The following GRM5 variants were observed in gnomAD, a reference collection of about 807,000 sequenced individuals.
GRM5 encodes glutamate metabotropic receptor 5.
GRM5 carries 19 observed loss-of-function variants against 83.1 expected under a neutral mutation model. The observed-to-expected ratio is 0.23, with a 90% CI of 0.16 to 0.34. The LOEUF (loss-of-function observed/expected upper bound fraction) is 0.34. GRM5 is among the 10% of genes least tolerant of loss of function. GRM5 has a pLI of 1.00. For missense variants in GRM5, 1,160 were observed against 1,588.3 expected (o/e 0.73, Z 4.58); for synonymous variants, 675 against 633.6 (o/e 1.07, Z -0.98).
intron 3 of GRM5, among the ~76,000 whole-genome samples, chr11:88,663,572 G>T (rs72639198): frequency 0.021 from 3,156 of 152,214 alleles, 88 homozygotes; most frequent in East Asian, 0.12. Context: ...ATATAACCTT[G>T]TCTGTTTTTT....
At chr11:89,019,399 G>C (rs4370938) in intron 2 of GRM5, among the ~76,000 whole-genome samples, 64,617 of 151,794 alleles carry the variant, frequency 0.43, 15,295 homozygotes, top group South Asian at 0.6. Context: ...GTCATATCAA[G>C]AACAAACCCT....
intron 2 of GRM5, among the ~76,000 whole-genome samples, chr11:89,013,950 T>C (rs1372569559): frequency 1.3e-5 from 2 of 152,184 alleles, no homozygotes; most frequent in Non-Finnish European, 2.9e-5. Context: ...CAAAGTACAT[T>C]ACGTTTGAAA....
intron 4 of GRM5, among the ~76,000 whole-genome samples, chr11:88,608,047 C>T (rs1034604648): frequency 6.6e-6 from 1 of 152,186 alleles, no homozygotes; most frequent in African/African-American, 2.4e-5. Flanking sequence ...AGGCTGCTTT[C>T]CAGGGTCCCT....
rs374707787 is a variant in GRM5 at position 88,509,261 on chromosome 11, G to A, written c.2970C>T (p.Pro990=). 2.0e-6 allele frequency: 3 copies of A among 1,472,490 alleles called. No homozygotes were observed. The highest frequency in any genetic ancestry group is 5.7e-5 in the Admixed American group (2 of 35,276). The allele number at this position is 1,472,490 out of a possible 1,614,324, so 91.2% of individuals were successfully genotyped here. The change falls in exon 10 of 10, where the codon CCC becomes CCT. Residue 990 remains proline, a synonymous_variant. Coordinates refer to ENST00000305447, the MANE Select transcript of GRM5 (RefSeq NM_001143831.3). ...AGCAGAGPGG[P]ESPDAGPKAL... ...CCTTGGGGCCGGCGTCTGGGGACTCGGGCCCGCCTGGGCCGGCGCCTGCGC... is the reference window on the plus strand; with the variant it reads ...CCTTGGGGCCGGCGTCTGGGGACTCAGGCCCGCCTGGGCCGGCGCCTGCGC...
intron 2 of GRM5, among the ~76,000 whole-genome samples, chr11:89,009,930 A>AAACC (rs1316250515): frequency 1.0e-5 from 1 of 100,120 alleles, no homozygotes; most frequent in African/African-American, 3.1e-5. Context: ...AAAAAAAAAA[A>AAACC]CACACACAAA....
intron 2 of GRM5, among the ~76,000 whole-genome samples, chr11:88,987,251 C>T (rs1043251658): frequency 9.2e-5 from 14 of 152,188 alleles, no homozygotes; most frequent in South Asian, 2.1e-4. Context: ...GGGTGACCCA[C>T]GGCACCTGGA....
intron 3 of GRM5, among the ~76,000 whole-genome samples, chr11:88,702,988 G>A (rs1369173674): frequency 6.6e-6 from 1 of 152,086 alleles, no homozygotes; most frequent in African/African-American, 2.4e-5. Context: ...GTGATATTCT[G>A]TTAGGTCAGC....
At chr11:89,005,917 G>T (rs915985123) in intron 2 of GRM5, among the ~76,000 whole-genome samples, 2 of 152,190 alleles carry the variant, frequency 1.3e-5, no homozygotes, top group Non-Finnish European at 2.9e-5. Context: ...ATTTAAGAGT[G>T]CAGTCTAGTA....
chr11:88,774,707 T>C (rs1942811878), intron 3 of GRM5, among the ~76,000 whole-genome samples: 2 of 152,246 alleles, frequency 1.3e-5, no homozygotes, highest in Admixed American at 6.5e-5. Context: ...ATTGAGATAA[T>C]CATGTGGTTT....
intron 3 of GRM5, among the ~76,000 whole-genome samples, chr11:88,843,032 C>T (rs1265021569): frequency 7.2e-5 from 11 of 152,078 alleles, no homozygotes; most frequent in African/African-American, 2.7e-4. Context: ...CTGAATAGCC[C>T]AGTAGAAGAA....
chr11:88,985,259 A>G (rs933195371), intron 2 of GRM5, among the ~76,000 whole-genome samples: 1 of 152,094 alleles, frequency 6.6e-6, no homozygotes, highest in African/African-American at 2.4e-5. Context: ...AATTTTGTTT[A>G]TTTATTTTTC....
At chr11:89,030,143 C>T (rs891873732) in intron 2 of GRM5, among the ~76,000 whole-genome samples, 4 of 151,984 alleles carry the variant, frequency 2.6e-5, no homozygotes, top group African/African-American at 7.3e-5. Flanking sequence ...AATTATGAAA[C>T]GTATTTTTTT....
intron 2 of GRM5, among the ~76,000 whole-genome samples, chr11:89,005,683 G>T (rs1272998706): frequency 6.6e-6 from 1 of 152,234 alleles, no homozygotes; most frequent in African/African-American, 2.4e-5. Context: ...TCTGTGCCTG[G>T]CATTTAGGAG....
intron 2 of GRM5, among the ~76,000 whole-genome samples, chr11:88,928,640 T>C (rs1352845538): frequency 6.6e-6 from 1 of 151,822 alleles, no homozygotes; most frequent in Non-Finnish European, 1.5e-5. Context: ...AAAATGACAA[T>C]TATAAGTTTT....
Position 88,864,811 on chromosome 11 carries a change from A to G in GRM5, c.662-14656T>C, listed in dbSNP as rs1167831388. Among the ~76,000 whole-genome samples, 2 of 152,072 alleles carry G rather than the reference A, an allele frequency of 1.3e-5. 1 individual carries two copies. Among genetic ancestry groups the G allele is most frequent in the Admixed American group, 1.3e-4 (2 of 15,230 alleles). ...GATATTGGCTGTGGGTTTCTCATAA[A>G]TAGCTCTCATTATTTTGAGATACTT... On this transcript the variant is annotated intron_variant, in intron 2 of 9. Coordinates refer to ENST00000305447, the MANE Select transcript of GRM5 (RefSeq NM_001143831.3).
intron 3 of GRM5, among the ~76,000 whole-genome samples, chr11:88,835,952 G>C (rs1233904286): frequency 6.6e-6 from 1 of 151,942 alleles, no homozygotes; most frequent in Non-Finnish European, 1.5e-5. Flanking sequence ...TGAGAATCAC[G>C]GCATTCAAGC....
intron 8 of GRM5, among the ~76,000 whole-genome samples, chr11:88,546,764 T>C (rs185247782): frequency 6.6e-6 from 1 of 152,238 alleles, no homozygotes; most frequent in East Asian, 1.9e-4. Context: ...ATTCAATGAA[T>C]TTACTTTGTA....
intron 2 of GRM5, among the ~76,000 whole-genome samples, chr11:88,851,658 G>A (rs965826242): frequency 6.6e-6 from 1 of 152,140 alleles, no homozygotes; most frequent in African/African-American, 2.4e-5. Flanking sequence ...GTCCTGATGT[G>A]GGTGCTACCA....
intron 3 of GRM5, among the ~76,000 whole-genome samples, chr11:88,829,889 A>G (rs1304613513): frequency 6.6e-6 from 1 of 152,172 alleles, no homozygotes; most frequent in Non-Finnish European, 1.5e-5. Flanking sequence ...TCAATATCCT[A>G]GAACCAAAGT....
Sources: gnomAD v4.1 joint callset for allele counts (sites outside exome capture counted in the v4.1 genomes callset) on GRCh38, gnomAD v4.1.1 for gene constraint, MANE v1.5 for transcripts, NCBI Gene and HGNC (gene_info 2026-07-23, HGNC 2026-07-21) for gene names.